The following SH3RF3 variants were observed in gnomAD, a reference collection of about 807,000 sequenced individuals.
SH3RF3 encodes the protein SH3 domain containing ring finger 3, also known as E3 ubiquitin-protein ligase SH3RF3.
A neutral mutation model predicts 66.3 loss-of-function variants in SH3RF3; 29 were observed. That is an observed-to-expected ratio of 0.44 (90% CI 0.33 to 0.60). The LOEUF (loss-of-function observed/expected upper bound fraction) is 0.60. Ranked by LOEUF, SH3RF3 falls within the 20% of genes least tolerant of loss-of-function variation. SH3RF3 has a pLI of 0.04. For missense variants in SH3RF3, 1,194 were observed against 1,190.9 expected, an observed-to-expected ratio of 1.00 and a Z score of -0.04; for synonymous variants, 583 against 532.0, an observed-to-expected ratio of 1.10 and a Z score of -1.32.
rs375032315 is a variant in SH3RF3, at chr2:109,437,086, A to C, written c.1768A>C (p.Ser590Arg). The C allele has an allele frequency of 1.9e-6, 3 of 1,613,632 alleles. No individual in the cohort carries two copies. Among genetic ancestry groups the C allele is most frequent in the Non-Finnish European group, 2.5e-6 (3 of 1,179,836 alleles). ...CCCCACAGCCTCGCCCCCAACAGGC[A>C]GCTGTCTACGGCACTCAGCCCAGCC... The part of the protein sequence containing the change: ...QHPTASPPTG[S>R]CLRHSAQPTA... Residue 590 changes from serine (S) to arginine (R), a missense_variant, in exon 7 of 10, where the codon AGC becomes CGC. By Grantham distance (110) the Ser-to-Arg change is moderately radical (BLOSUM62 -1). Transcript: ENST00000309415.
chr2:109,264,694 A>G (rs1207680927), intron 1 of SH3RF3, among the ~76,000 whole-genome samples: 1 of 152,206 alleles, frequency 6.6e-6, no homozygotes, highest in Non-Finnish European at 1.5e-5. Flanking sequence ...AGTGGATGCT[A>G]GATGTTTCCG....
At chr2:109,298,310 G>GA (rs35821542) in intron 1 of SH3RF3, among the ~76,000 whole-genome samples, 50,336 of 151,938 alleles carry the variant, frequency 0.33, 8,565 homozygotes, top group East Asian at 0.4. Flanking sequence ...GGCGGGAAGG[G>GA]AAGCGCATCT....
chr2:109,404,460 A>G (rs1225290977), intron 4 of SH3RF3, among the ~76,000 whole-genome samples: 1 of 152,178 alleles, frequency 6.6e-6, no homozygotes, highest in Non-Finnish European at 1.5e-5. Context: ...GCCACTCTGC[A>G]GGGGCAGGGA....
intron 1 of SH3RF3, among the ~76,000 whole-genome samples, chr2:109,163,490 C>T (rs530522258): frequency 1.4e-5 from 2 of 145,498 alleles, no homozygotes; most frequent in East Asian, 4.1e-4. Context: ...GCTCCGCCTC[C>T]CGGGTTCACG....
At chr2:109,271,349 CT>C (rs2105318921) in intron 1 of SH3RF3, among the ~76,000 whole-genome samples, 1 of 152,300 alleles carries the variant, frequency 6.6e-6, no homozygotes, top group East Asian at 1.9e-4. Flanking sequence ...CAGGAGGAAC[CT>C]AGAGGGATGT....
chr2:109,336,149 T>G (rs1682415858), intron 1 of SH3RF3, among the ~76,000 whole-genome samples: 1 of 152,094 alleles, frequency 6.6e-6, no homozygotes, highest in African/African-American at 2.4e-5. Context: ...TTAAAGAAAG[T>G]CAAAAATACT....
intron 1 of SH3RF3, among the ~76,000 whole-genome samples, chr2:109,332,983 A>G (rs1682322523): frequency 6.6e-6 from 1 of 152,260 alleles, no homozygotes; most frequent in Non-Finnish European, 1.5e-5. Flanking sequence ...AGGATGCAGA[A>G]GACAGCCTAG....
chr2:109,148,860 T>G (rs896955790), intron 1 of SH3RF3, among the ~76,000 whole-genome samples: 1 of 151,988 alleles, frequency 6.6e-6, no homozygotes, highest in Non-Finnish European at 1.5e-5. Context: ...TTAAAAAGTA[T>G]TTTAGGTGAA....
At chr2:109,397,218 C>T (rs1676171410) in intron 3 of SH3RF3, among the ~76,000 whole-genome samples, 1 of 152,186 alleles carries the variant, frequency 6.6e-6, no homozygotes, top group Non-Finnish European at 1.5e-5. Context: ...TCAGAGACAG[C>T]TCCCGCTTCC....
chr2:109,232,660 GT>G (rs1165964577), intron 1 of SH3RF3, among the ~76,000 whole-genome samples: 1 of 152,162 alleles, frequency 6.6e-6, no homozygotes, highest in Non-Finnish European at 1.5e-5. Context: ...GATTAACAAT[GT>G]TTTAGAGAAA....
intron 1 of SH3RF3, among the ~76,000 whole-genome samples, chr2:109,232,147 A>G (rs1679528741): frequency 1.3e-5 from 2 of 152,218 alleles, no homozygotes; most frequent in Non-Finnish European, 2.9e-5. Context: ...TTGTAGTGGA[A>G]TGACCAGATC....
At position 109,130,113 on chromosome 2, in the gene SH3RF3, G is replaced by A. The variant is rs1676653362; in HGVS notation, c.573G>A (p.Lys191=). The A allele has an allele frequency of 2.3e-6, 3 of 1,310,608 alleles. No individual in the cohort carries two copies. The highest frequency in any genetic ancestry group is 2.2e-5 in the South Asian group (1 of 45,086). 81.2% of individuals were successfully genotyped at this position (1,310,608 alleles called of 1,614,324 possible). A position where few individuals can be genotyped will look rare whatever the true frequency, so the allele number is the denominator to read the frequency against. The stretch of plus-strand genomic sequence containing the variant: ...CCAGCAGGACCGCGCCGGCGGCAAA[G>A]GTGAGTATCTGTCTCGGCGGAAGTG... ...LATSRTAPAA[K]NPCLLPYGKA... is the part of the protein sequence containing the mutation. The change falls in exon 1 of 10, where the codon AAG becomes AAA. Residue 191 remains lysine, a splice_region_variant and synonymous_variant. Transcript: ENST00000309415.
At chr2:109,341,013 G>A (rs528281927) in intron 1 of SH3RF3, among the ~76,000 whole-genome samples, 3 of 152,218 alleles carry the variant, frequency 2.0e-5, no homozygotes, top group African/African-American at 7.2e-5. Flanking sequence ...TTGCATCCAC[G>A]CAACAGCTTA....
rs186344078 is a variant in SH3RF3 at position 109,203,120 on chromosome 2, C to T, written c.573+73007C>T. Among the ~76,000 whole-genome samples, 684 of 152,238 alleles carry T rather than the reference C, an allele frequency of 4.5e-3. 5 individuals are homozygous for T. Among genetic ancestry groups the T allele is most frequent in the Non-Finnish European group, 6.0e-3 (407 of 68,002 alleles). On this transcript the variant is annotated intron_variant, in intron 1 of 9. Coordinates refer to ENST00000309415, the MANE Select transcript of SH3RF3 (RefSeq NM_001099289.3). ...TGGTGGCCCTGCACGGTGCCCTGGG[C>T]CTGTCCGTGTCCTCAGCAGTCAAGG...
At chr2:109,465,191 G>T in intron 8 of SH3RF3, among the ~76,000 whole-genome samples, 1 of 152,174 alleles carries the variant, frequency 6.6e-6, no homozygotes, top group East Asian at 1.9e-4. Flanking sequence ...CCATTGTCCA[G>T]ATGTACCACA....
intron 1 of SH3RF3, among the ~76,000 whole-genome samples, chr2:109,330,722 CAAAT>C (rs939004337): frequency 6.6e-5 from 10 of 152,200 alleles, no homozygotes; most frequent in African/African-American, 2.4e-4. Context: ...GATGAATAAA[CAAAT>C]AAATGGAGAG....
intron 8 of SH3RF3, among the ~76,000 whole-genome samples, chr2:109,451,856 G>C (rs1677878111): frequency 6.6e-6 from 1 of 152,232 alleles, no homozygotes; most frequent in African/African-American, 2.4e-5. Context: ...AAGTGCGTAG[G>C]CCACGCTTGG....
Position 109,249,522 on chromosome 2 carries a change from T to C in SH3RF3, c.574-98152T>C, listed in dbSNP as rs1299998951. On this transcript the variant is annotated intron_variant, in intron 1 of 9. Transcript: ENST00000309415. Reference sequence around the variant, plus strand: ...CTTTCTTTCTTTCATTCTTTCTTTTTCTTTCTTTCTTTCCTTCCTTCCTTC... The same window carrying C: ...CTTTCTTTCTTTCATTCTTTCTTTTCCTTTCTTTCTTTCCTTCCTTCCTTC... 2.3e-5 allele frequency among the ~76,000 whole-genome samples: 3 copies of C among 127,870 alleles called. 1 individual carries two copies. Among genetic ancestry groups the C allele is most frequent in the African/African-American group, 9.2e-5 (3 of 32,480 alleles). 83.9% of individuals were successfully genotyped at this position (127,870 alleles called of 152,430 possible).
At chr2:109,303,103 T>C (rs1295530149) in intron 1 of SH3RF3, among the ~76,000 whole-genome samples, 1 of 152,172 alleles carries the variant, frequency 6.6e-6, no homozygotes, top group Non-Finnish European at 1.5e-5. Flanking sequence ...CTCCAACTCC[T>C]GACCTCAGGT....
Sources: gnomAD v4.1 joint callset for allele counts (sites outside exome capture counted in the v4.1 genomes callset) on GRCh38, gnomAD v4.1.1 for gene constraint, MANE v1.5 for transcripts, NCBI Gene and HGNC (gene_info 2026-07-23, HGNC 2026-07-21) for gene names.